The following ACOXL variants were observed in gnomAD, a reference collection of about 807,000 sequenced individuals.
The protein encoded by ACOXL is acyl-CoA oxidase like.
In ACOXL, 70 loss-of-function variants were observed where a neutral mutation model predicts 71.9. That is an observed-to-expected ratio of 0.97 (90% CI 0.80 to 1.19). The LOEUF is 1.19. ACOXL is among the 50% of genes most tolerant of loss of function. The probability of loss-of-function intolerance (pLI) is 0.00; values close to 1 mark genes in which losing one functional copy is unlikely to be tolerated. For synonymous variants in ACOXL, 253 were observed against 281.6 expected (o/e 0.90, Z 1.02); for missense variants, 703 against 736.3 (o/e 0.95, Z 0.52).
In ACOXL at chr2:110,799,080, T is replaced by G. The variant is rs778519515; in HGVS notation, c.527T>G (p.Ile176Ser). 12 of 1,613,762 alleles carry G rather than the reference T, an allele frequency of 7.4e-6. 1 individual carries two copies. Among genetic ancestry groups the G allele is most frequent in the Admixed American group, 6.7e-5 (4 of 59,986 alleles). Residue 176 changes from isoleucine (I) to serine (S), a missense_variant, in exon 7 of 18, where the codon ATT becomes AGT. Ile to Ser is a moderately radical substitution (Grantham distance 142, BLOSUM62 -2). Coordinates refer to ENST00000439055, the MANE Select transcript of ACOXL (RefSeq NM_001142807.4). ...AGCTTGTACCCAGGAGTCACAGCTA[T>G]TGATATGATGTACAAGGAGGGTGAG... ...NGSLYPGVTA[I>S]DMMYKEGLHG...
intron 16 of ACOXL, among the ~76,000 whole-genome samples, chr2:111,068,383 C>T (rs1243389975): frequency 6.6e-6 from 1 of 152,142 alleles, no homozygotes; most frequent in African/African-American, 2.4e-5. Flanking sequence ...GTGAAGAGGT[C>T]AGCAAGATTT....
intron 14 of ACOXL, among the ~76,000 whole-genome samples, chr2:111,006,805 C>T (rs2063898507): frequency 6.6e-6 from 1 of 152,096 alleles, no homozygotes; most frequent in South Asian, 2.1e-4. Context: ...GTGATCTGCC[C>T]TCCTCAGCCT....
intron 16 of ACOXL, among the ~76,000 whole-genome samples, chr2:111,067,977 C>T (rs1049782835): frequency 1.7e-4 from 26 of 152,124 alleles, no homozygotes; most frequent in African/African-American, 6.0e-4. Context: ...GATGCTGCCC[C>T]GTGCCCCTCT....
intron 9 of ACOXL, among the ~76,000 whole-genome samples, chr2:110,812,224 A>G (rs550424820): frequency 1.3e-5 from 2 of 152,202 alleles, no homozygotes; most frequent in Non-Finnish European, 2.9e-5. Flanking sequence ...AGCATTTTGG[A>G]TGGGTATAAA....
intron 1 of ACOXL, among the ~76,000 whole-genome samples, chr2:110,759,673 C>T (rs1680140780): frequency 6.6e-6 from 1 of 152,132 alleles, no homozygotes; most frequent in Admixed American, 6.5e-5. Flanking sequence ...ATCATACTTC[C>T]ATGGGTTTAG....
chr2:110,808,079 T>C (rs1238973813), intron 9 of ACOXL, among the ~76,000 whole-genome samples: 1 of 152,228 alleles, frequency 6.6e-6, no homozygotes, highest in East Asian at 1.9e-4. Flanking sequence ...CACACCAAAT[T>C]AAGTGATTAC....
intron 12 of ACOXL, among the ~76,000 whole-genome samples, chr2:110,977,310 C>T (rs937494983): frequency 3.3e-5 from 5 of 151,044 alleles, no homozygotes; most frequent in East Asian, 2.0e-4. Context: ...GGCATGAACC[C>T]GGGAGGCAGA....
chr2:110,996,957 T>C (rs939275900), intron 14 of ACOXL, among the ~76,000 whole-genome samples: 3 of 152,086 alleles, frequency 2.0e-5, no homozygotes, highest in African/African-American at 7.2e-5. Context: ...GTAAATCAAT[T>C]TTTCCCCCAG....
At chr2:111,049,421 C>T in intron 16 of ACOXL, 133 bp downstream of exon 16, 1 of 706,768 alleles carries the variant, frequency 1.4e-6, no homozygotes, top group Non-Finnish European at 2.4e-6. Flanking sequence ...ATAAGCTTGT[C>T]ATAGGCGAAT....
chr2:110,850,067 C>T (rs1368440834), intron 10 of ACOXL, among the ~76,000 whole-genome samples: 1 of 152,118 alleles, frequency 6.6e-6, no homozygotes, highest in Admixed American at 6.5e-5. Context: ...AATTCAAAAA[C>T]CAAGAAAAAC....
chr2:111,048,619 G>C (rs899464207), intron 15 of ACOXL, among the ~76,000 whole-genome samples: 4 of 152,136 alleles, frequency 2.6e-5, no homozygotes, highest in African/African-American at 9.7e-5. Flanking sequence ...AATATTCCTA[G>C]AGCTTTCATG....
chr2:110,818,447 GTGTGTA>G (rs1230580102), intron 9 of ACOXL, among the ~76,000 whole-genome samples: 101 of 146,248 alleles, frequency 6.9e-4, no homozygotes, highest in African/African-American at 2.4e-3. Flanking sequence ...GTGTGTGTGT[GTGTGTA>G]TATATATATA....
At chr2:110,856,198 A>T (rs2148955455) in intron 10 of ACOXL, among the ~76,000 whole-genome samples, 1 of 152,304 alleles carries the variant, frequency 6.6e-6, no homozygotes, top group East Asian at 1.9e-4. Flanking sequence ...CCTAAGACAG[A>T]AAAGTTCTCC....
chr2:110,856,149 G>A (rs1693217177), intron 10 of ACOXL, among the ~76,000 whole-genome samples: 3 of 152,220 alleles, frequency 2.0e-5, no homozygotes, highest in East Asian at 1.9e-4. Flanking sequence ...TTTACAATCC[G>A]AGCTACAGAA....
chr2:110,748,097 G>A (rs984133907), intron 1 of ACOXL, among the ~76,000 whole-genome samples: 1 of 152,108 alleles, frequency 6.6e-6, no homozygotes, highest in Non-Finnish European at 1.5e-5. Context: ...GCCACGTGGG[G>A]CTTAGTGATA....
chr2:110,894,587 G>A (rs2058930071), intron 10 of ACOXL, among the ~76,000 whole-genome samples: 1 of 152,092 alleles, frequency 6.6e-6, no homozygotes, highest in Non-Finnish European at 1.5e-5. Context: ...AGGGATCTGG[G>A]ACTGGTATCC....
chr2:110,746,822 G>A (rs1371368829), intron 1 of ACOXL, among the ~76,000 whole-genome samples: 1 of 49,420 alleles, frequency 2.0e-5, no homozygotes, highest in Non-Finnish European at 4.1e-5. Flanking sequence ...TTCTCCCCCC[G>A]CCCTTTAGTT....
At chr2:110,765,503 GATAA>G (rs909768744) in intron 1 of ACOXL, among the ~76,000 whole-genome samples, 2 of 152,070 alleles carry the variant, frequency 1.3e-5, no homozygotes, top group African/African-American at 4.8e-5. Context: ...GTTCAGATTG[GATAA>G]ATTCTATTGA....
chr2:110,833,889 G>A (rs1690142345), intron 9 of ACOXL, among the ~76,000 whole-genome samples: 1 of 152,122 alleles, frequency 6.6e-6, no homozygotes, highest in Admixed American at 6.5e-5. Flanking sequence ...ACTCTCTGTG[G>A]TCTTACATTG....
Sources: gnomAD v4.1 joint callset for allele counts (sites outside exome capture counted in the v4.1 genomes callset) on GRCh38, gnomAD v4.1.1 for gene constraint, MANE v1.5 for transcripts, NCBI Gene and HGNC (gene_info 2026-07-23, HGNC 2026-07-21) for gene names.